The following DSCAML1 variants were observed in gnomAD, a reference collection of about 807,000 sequenced individuals.
DSCAML1 encodes the protein cell adhesion molecule DSCAML1.
A neutral mutation model predicts 200.5 loss-of-function variants in DSCAML1; 38 were observed. That is an observed-to-expected ratio of 0.19 (90% CI 0.15 to 0.25). The LOEUF is 0.25. Ranked by LOEUF, DSCAML1 falls within the 10% of genes least tolerant of loss-of-function variation. DSCAML1 has a pLI of 1.00. For missense variants in DSCAML1, 2,223 were observed against 2,858.8 expected (o/e 0.78, Z 5.07); for synonymous variants, 1,215 against 1,165.0 (o/e 1.04, Z -0.87).
rs1474179275 is a variant in DSCAML1 at position 117,433,216 on chromosome 11, G to A, written c.4948C>T (p.Pro1650Ser). ...RSFDTPVKGP[P>S]QGPRLHIDIP... ...TCAATGTGTAGCCGTGGGCCCTGGGGTGGCCCTTTCACAGGGGTGTCAAAG... is the reference window on the plus strand; with the variant it reads ...TCAATGTGTAGCCGTGGGCCCTGGGATGGCCCTTTCACAGGGGTGTCAAAG... The change falls in exon 29 of 33, where the codon CCC becomes TCC. Residue 1650 changes from proline (P) to serine (S), a missense_variant. Transcript: ENST00000651296. 1 of 1,613,560 alleles carries A rather than the reference G, an allele frequency of 6.2e-7. No individual in the cohort carries two copies. The highest frequency in any genetic ancestry group is 1.3e-5 in the African/African-American group (1 of 74,886).
chr11:117,516,316 C>G lies in DSCAML1; in HGVS notation c.1783+151G>C. Reference sequence around the variant, plus strand: ...CCACCCACAGTCTTCTGCCCTGCTCCCTTTTTTCTGAATGCCAAGCTGGGG... The same window carrying G: ...CCACCCACAGTCTTCTGCCCTGCTCGCTTTTTTCTGAATGCCAAGCTGGGG... On this transcript the variant is annotated intron_variant, in intron 8 of 32. Coordinates refer to ENST00000651296, the MANE Select transcript of DSCAML1 (RefSeq NM_020693.4). The surrounding 1 kb of genome is among the most constrained non-coding windows in gnomAD (Gnocchi z 5.7). The G allele has an allele frequency of 1.0e-6, 1 of 998,018 alleles. No individual in the cohort carries two copies. The highest frequency in any genetic ancestry group is 1.4e-6 in the Non-Finnish European group (1 of 695,612). The allele number at this position is 998,018 out of a possible 1,614,324, so 61.8% of individuals were successfully genotyped here. A position where few individuals can be genotyped will look rare whatever the true frequency, so the allele number is the denominator to read the frequency against.
chr11:117,532,349 C>G, intron 4 of DSCAML1, 27 bp downstream of exon 4: 1 of 1,605,616 alleles, frequency 6.2e-7, no homozygotes, highest in African/African-American at 1.3e-5. Context: ...CCAGCCTGCC[C>G]CGTTCTCCCC....
At chr11:117,742,042 C>G (rs181012801) in intron 3 of DSCAML1, among the ~76,000 whole-genome samples, 35 of 152,332 alleles carry the variant, frequency 2.3e-4, no homozygotes, top group African/African-American at 7.2e-4. Context: ...TCCTCAGCTC[C>G]AACACCTGAC....
Position 117,504,952 on chromosome 11 carries a change from TG to T in DSCAML1, c.2153del (p.Pro718HisfsTer36). ...TGGCATGCTTCCACATGACCTTGGGTGGGGGGTAGCCGTCCACCGAGCAGTT... is the reference window on the plus strand; with the variant it reads ...TGGCATGCTTCCACATGACCTTGGGTGGGGGTAGCCGTCCACCGAGCAGTT... Reference protein sequence around the residue: ...VLNCSVDGYPPPKVMWKHAKG... With the variant: ...VLNCSVDGYPXPKVMWKHAKG... On this transcript the variant is annotated frameshift_variant, in exon 10 of 33. Transcript: ENST00000651296. LOFTEE classifies it high-confidence loss of function. The surrounding 1 kb of genome is among the most constrained non-coding windows in gnomAD (Gnocchi z 5.0). 2 of 1,606,994 alleles carry T rather than the reference TG, an allele frequency of 1.2e-6. No individual in the cohort carries two copies. The highest frequency in any genetic ancestry group is 1.1e-5 in the South Asian group (1 of 89,498).
intron 3 of DSCAML1, among the ~76,000 whole-genome samples, chr11:117,690,475 C>T (rs1271918408): frequency 6.6e-6 from 1 of 152,266 alleles, no homozygotes; most frequent in African/African-American, 2.4e-5. Context: ...GCATTGGATA[C>T]AGCAGTGGCC....
chr11:117,715,095 CA>C (rs1466302403), intron 3 of DSCAML1, among the ~76,000 whole-genome samples: 1 of 129,370 alleles, frequency 7.7e-6, no homozygotes, highest in Non-Finnish European at 1.6e-5. Flanking sequence ...ACAATTTCGT[CA>C]GTTAAAAATA....
chr11:117,782,949 C>T (rs1026718406), intron 1 of DSCAML1, among the ~76,000 whole-genome samples: 2 of 152,068 alleles, frequency 1.3e-5, no homozygotes, highest in Non-Finnish European at 1.5e-5. Flanking sequence ...CAGACTTTGG[C>T]AATCTGGCCC....
rs999980086 is a variant in DSCAML1 at position 117,498,685 on chromosome 11, G to A, written c.2359+5160C>T. The stretch of plus-strand genomic sequence containing the variant: ...AATCATGGTGGGTGACCTGGTCCAC[G>A]GAGGCCCGAGGGCTTCCTTTGCTAG... On this transcript the variant is annotated intron_variant, in intron 11 of 32. Transcript: ENST00000651296. This position sits in a 1 kb window ranked among gnomAD's most constrained non-coding sequence, Gnocchi z 4.0. Among the ~76,000 whole-genome samples the A allele has an allele frequency of 4.9e-4, 75 of 152,156 alleles. No individual in the cohort carries two copies. The highest frequency in any genetic ancestry group is 1.3e-3 in the African/African-American group (55 of 41,426).
At chr11:117,465,436 A>G (rs1229957080) in intron 16 of DSCAML1, among the ~76,000 whole-genome samples, 4 of 151,906 alleles carry the variant, frequency 2.6e-5, no homozygotes, top group Non-Finnish European at 4.4e-5. Flanking sequence ...CCGCATCCCC[A>G]TCTCAGGGGA....
intron 3 of DSCAML1, among the ~76,000 whole-genome samples, chr11:117,727,755 C>T (rs929388011): frequency 1.7e-4 from 26 of 152,202 alleles, no homozygotes; most frequent in African/African-American, 4.8e-4. Flanking sequence ...GGAGCACAGG[C>T]GAGGTGAAGG....
chr11:117,651,421 C>T (rs11216483), intron 3 of DSCAML1, among the ~76,000 whole-genome samples: 1 of 152,144 alleles, frequency 6.6e-6, no homozygotes, highest in African/African-American at 2.4e-5. Context: ...GATTGCACCC[C>T]TAGGCCGGGT....
chr11:117,610,596 T>C (rs2051669342), intron 3 of DSCAML1, among the ~76,000 whole-genome samples: 1 of 151,782 alleles, frequency 6.6e-6, no homozygotes, highest in Non-Finnish European at 1.5e-5. Context: ...AGCATGGACC[T>C]CCCACAGCCA....
At chr11:117,447,483 G>A (rs912493225) in intron 20 of DSCAML1, among the ~76,000 whole-genome samples, 2 of 150,932 alleles carry the variant, frequency 1.3e-5, no homozygotes, top group Admixed American at 6.6e-5. Context: ...TCTGTAGGAA[G>A]TACATCACCA....
At chr11:117,453,728 T>A (rs2048323394) in intron 19 of DSCAML1, among the ~76,000 whole-genome samples, 1 of 139,790 alleles carries the variant, frequency 7.2e-6, no homozygotes, top group Non-Finnish European at 1.5e-5. Context: ...AGGTGTGGAT[T>A]TCTTTCTTTC....
At chr11:117,661,041 C>G (rs1179840787) in intron 3 of DSCAML1, among the ~76,000 whole-genome samples, 1 of 152,164 alleles carries the variant, frequency 6.6e-6, no homozygotes, top group African/African-American at 2.4e-5. Context: ...CAATCTTGAG[C>G]ACCAGTCCTT....
At chr11:117,477,757 G>C (rs1470215101) in intron 14 of DSCAML1, among the ~76,000 whole-genome samples, 1 of 152,142 alleles carries the variant, frequency 6.6e-6, no homozygotes, top group African/African-American at 2.4e-5. Flanking sequence ...CATGCCCAGG[G>C]TCTCTGCTGG....
intron 1 of DSCAML1, among the ~76,000 whole-genome samples, chr11:117,810,899 C>T (rs1223037540): frequency 1.3e-5 from 2 of 152,160 alleles, no homozygotes; most frequent in African/African-American, 4.8e-5. Flanking sequence ...CCCCTCAGTC[C>T]CAACCCCAAG....
intron 1 of DSCAML1, among the ~76,000 whole-genome samples, chr11:117,787,089 C>T (rs1212044265): frequency 1.3e-5 from 2 of 152,206 alleles, no homozygotes; most frequent in African/African-American, 4.8e-5. Flanking sequence ...GAAAAGCCCA[C>T]CCTCTGGTAC....
intron 3 of DSCAML1, among the ~76,000 whole-genome samples, chr11:117,743,891 C>T (rs996191643): frequency 1.1e-4 from 16 of 152,192 alleles, no homozygotes. Context: ...CCGAGGAAAA[C>T]TCGTCTATAA....
Sources: allele counts gnomAD v4.1 joint callset (sites outside exome capture counted in the v4.1 genomes callset), GRCh38; gene constraint gnomAD v4.1.1; non-coding constraint Gnocchi (gnomAD v3.1); transcripts MANE v1.5; gene names NCBI Gene and HGNC (gene_info 2026-07-23, HGNC 2026-07-21).